The following ATP6V0A4 variants were observed in gnomAD, a reference collection of about 807,000 sequenced individuals.
The protein encoded by ATP6V0A4 is ATPase H+ transporting V0 subunit a4.
In ATP6V0A4, 86 loss-of-function variants were observed where a neutral mutation model predicts 107.3. That is an observed-to-expected ratio of 0.80 (90% CI 0.67 to 0.96). The LOEUF (loss-of-function observed/expected upper bound fraction) is 0.96. Among genes scored for constraint, ATP6V0A4 ranks in the 40% least tolerant of loss-of-function variants. ATP6V0A4 has a pLI of 0.00. For missense variants in ATP6V0A4, 908 were observed against 1,045.6 expected, an observed-to-expected ratio of 0.87 and a Z score of 1.81; for synonymous variants, 353 against 381.4, an observed-to-expected ratio of 0.93 and a Z score of 0.87.
chr7:138,783,360 CAGG>C (rs1315273518), intron 2 of ATP6V0A4, among the ~76,000 whole-genome samples: 1 of 151,906 alleles, frequency 6.6e-6, no homozygotes, highest in African/African-American at 2.4e-5. Context: ...TGCTTGAGGC[CAGG>C]AGATCAAGAC....
In ATP6V0A4 at chr7:138,733,375, G is replaced by C. The variant is rs775769655; in HGVS notation, c.1692-282C>G. 6.6e-5 allele frequency among the ~76,000 whole-genome samples: 10 copies of C among 152,104 alleles called. No homozygotes were observed. The South Asian group carries it at 1.9e-3, about 28-fold the overall frequency. On this transcript the variant is annotated intron_variant, in intron 16 of 21. Coordinates refer to ENST00000310018, the MANE Select transcript of ATP6V0A4 (RefSeq NM_020632.3). ...AAAGCAAAGGTCATGCCCACACAGA[G>C]AGGGTGGTGATCTGACTACAGCTTC... is the stretch of plus-strand genomic sequence containing the variant.
chr7:138,727,901 G>A (rs1203039535), intron 18 of ATP6V0A4, among the ~76,000 whole-genome samples: 1 of 152,042 alleles, frequency 6.6e-6, no homozygotes, highest in East Asian at 1.9e-4. Flanking sequence ...TAAGGCTCAG[G>A]GGCAGTTTAG....
chr7:138,782,733 A>G (rs1205260860), intron 2 of ATP6V0A4, among the ~76,000 whole-genome samples: 2 of 152,184 alleles, frequency 1.3e-5, no homozygotes, highest in Non-Finnish European at 2.9e-5. Context: ...TGAAATGGGC[A>G]GGATTCTGGG....
In ATP6V0A4 at chr7:138,715,831, G is replaced by C. The variant is rs371319351; in HGVS notation, c.2190C>G (p.Tyr730Ter). ...FVHQAIHTIE[Y>*]CLGCISNTAS... ...CTGTGTTTGAAATGCAGCCCAGGCA[G>C]TACTCGATGGTGTGGATGGCTTGGT... is the stretch of plus-strand genomic sequence containing the variant. Residue 730 changes from tyrosine (Y) to a stop codon, truncating the protein, a stop_gained, in exon 20 of 22, where the codon TAC becomes TAG. Transcript: ENST00000310018. LOFTEE classifies it high-confidence loss of function. 6.2e-7 allele frequency: 1 copy of C among 1,613,884 alleles called. No homozygotes were observed. Among genetic ancestry groups the C allele is most frequent in the Non-Finnish European group, 8.5e-7 (1 of 1,179,794 alleles).
intron 20 of ATP6V0A4, among the ~76,000 whole-genome samples, chr7:138,714,396 T>A (rs1001621868): frequency 2.0e-5 from 3 of 152,022 alleles, no homozygotes; most frequent in Non-Finnish European, 4.4e-5. Context: ...ATTCCTGACG[T>A]TAGGCAACCC....
intron 1 of ATP6V0A4, among the ~76,000 whole-genome samples, chr7:138,792,574 C>G (rs973995827): frequency 6.6e-6 from 1 of 152,112 alleles, no homozygotes; most frequent in African/African-American, 2.4e-5. Flanking sequence ...GTAGAGAGCA[C>G]TTGGTAAGCT....
intron 20 of ATP6V0A4, among the ~76,000 whole-genome samples, chr7:138,714,075 CAAAAAAAAA>C (rs35801199): frequency 1.8e-5 from 2 of 112,310 alleles, no homozygotes; most frequent in African/African-American, 6.4e-5. Flanking sequence ...CTACCTCTAC[CAAAAAAAAA>C]AAAAAAAAAA....
At chr7:138,765,446 G>A (rs995968595) in intron 5 of ATP6V0A4, among the ~76,000 whole-genome samples, 1 of 152,182 alleles carries the variant, frequency 6.6e-6, no homozygotes, top group East Asian at 1.9e-4. Context: ...AGCTGCATGA[G>A]AATAAAGCCT....
chr7:138,747,327 T>A, intron 13 of ATP6V0A4, 98 bp downstream of exon 13: 2 of 1,472,782 alleles, frequency 1.4e-6, no homozygotes, highest in Non-Finnish European at 1.9e-6. Context: ...TTCTCTCCTT[T>A]ATTTTTCATA....
At chr7:138,768,545 G>A (rs747737913) in intron 5 of ATP6V0A4, among the ~76,000 whole-genome samples, 4 of 152,268 alleles carry the variant, frequency 2.6e-5, no homozygotes, top group Admixed American at 6.5e-5. Flanking sequence ...TAAGCTTCCC[G>A]AGGGCTATGC....
At chr7:138,790,811 C>T (rs774494742) in intron 1 of ATP6V0A4, among the ~76,000 whole-genome samples, 4 of 152,014 alleles carry the variant, frequency 2.6e-5, no homozygotes, top group Admixed American at 6.6e-5. Context: ...TTCCTGAGAC[C>T]GGAATGACAT....
intron 1 of ATP6V0A4, among the ~76,000 whole-genome samples, chr7:138,791,914 AT>A (rs1808428405): frequency 1.3e-5 from 2 of 152,166 alleles, no homozygotes; most frequent in African/African-American, 4.8e-5. Flanking sequence ...AATTTAATAA[AT>A]TTCACTCATA....
chr7:138,771,389 AT>A, intron 2 of ATP6V0A4, 125 bp from the exon 3 acceptor site: 1 of 1,008,486 alleles, frequency 9.9e-7, no homozygotes, highest in Non-Finnish European at 1.4e-6. Context: ...ATCACTTCTG[AT>A]TTTAGGAGAC....
At chr7:138,788,145 T>C (rs1315439127) in intron 1 of ATP6V0A4, among the ~76,000 whole-genome samples, 3 of 152,234 alleles carry the variant, frequency 2.0e-5, no homozygotes, top group Admixed American at 1.3e-4. Flanking sequence ...TTCGGTTTTA[T>C]GTGAACAAAA....
At chr7:138,797,910 T>G in intron 1 of ATP6V0A4, 124 bp downstream of exon 1, 1 of 1,374,688 alleles carries the variant, frequency 7.3e-7, no homozygotes, top group Non-Finnish European at 9.9e-7. Flanking sequence ...TCTAGAGAGG[T>G]GAGAGAAGGT....
intron 18 of ATP6V0A4, among the ~76,000 whole-genome samples, chr7:138,725,351 A>G (rs546358322): frequency 6.6e-6 from 1 of 152,348 alleles, no homozygotes; most frequent in South Asian, 2.1e-4. Context: ...ATTTGTAATT[A>G]CTAACACTGC....
At chr7:138,709,880 A>G (rs1803649770) in intron 20 of ATP6V0A4, 85 bp from the exon 21 acceptor site, 1 of 1,387,644 alleles carries the variant, frequency 7.2e-7, no homozygotes, top group African/African-American at 1.5e-5. Flanking sequence ...AATTAAAAAT[A>G]TATATATATT....
intron 2 of ATP6V0A4, among the ~76,000 whole-genome samples, chr7:138,781,843 CTTT>C (rs200102016): frequency 3.2e-4 from 23 of 72,792 alleles, no homozygotes; most frequent in Non-Finnish European, 3.4e-4. Context: ...CTCTCTCTCT[CTTT>C]TTTTTTTTTT....
chr7:138,780,762 T>G (rs1359275651), intron 2 of ATP6V0A4, among the ~76,000 whole-genome samples: 1 of 152,004 alleles, frequency 6.6e-6, no homozygotes, highest in African/African-American at 2.4e-5. Context: ...AAAAATTAGC[T>G]GGGCGTGGTG....
Sources: allele counts gnomAD v4.1 joint callset (sites outside exome capture counted in the v4.1 genomes callset), GRCh38; gene constraint gnomAD v4.1.1; transcripts MANE v1.5; gene names NCBI Gene and HGNC (gene_info 2026-07-23, HGNC 2026-07-21).